The following ANK3 variants were observed in gnomAD, a reference collection of about 807,000 sequenced individuals.
The protein encoded by ANK3 is ankyrin-3.
A neutral mutation model predicts 370.9 loss-of-function variants in ANK3; 57 were observed. That is an observed-to-expected ratio of 0.15 (90% CI 0.12 to 0.19). ANK3 has a LOEUF of 0.19. Ranked by LOEUF, ANK3 falls within the 10% of genes least tolerant of loss-of-function variation. The probability of loss-of-function intolerance (pLI) is 1.00; values close to 1 mark genes in which losing one functional copy is unlikely to be tolerated. For synonymous variants in ANK3, 1,929 were observed against 1,946.3 expected (o/e 0.99, Z 0.23); for missense variants, 4,439 against 5,302.1 (o/e 0.84, Z 5.06).
At chr10:60,587,869 ATAAGT>A (rs775059599) in intron 2 of ANK3, among the ~76,000 whole-genome samples, 26 of 152,256 alleles carry the variant, frequency 1.7e-4, no homozygotes, top group African/African-American at 4.3e-4. Flanking sequence ...ATTCCAGGTA[ATAAGT>A]TAAGAAAGAA....
chr10:60,607,184 A>G (rs2078139815), intron 2 of ANK3, among the ~76,000 whole-genome samples: 1 of 152,172 alleles, frequency 6.6e-6, no homozygotes, highest in African/African-American at 2.4e-5. Flanking sequence ...GAGAACTCAT[A>G]TTTGCTCAGT....
chr10:60,487,937 C>A (rs2075392414), intron 2 of ANK3, among the ~76,000 whole-genome samples: 1 of 152,146 alleles, frequency 6.6e-6, no homozygotes, highest in Admixed American at 6.5e-5. Flanking sequence ...TAGTCTCGAA[C>A]TCCCTACCTC....
intron 42 of ANK3, chr10:60,043,055 G>C: frequency 8.8e-6 from 10 of 1,135,088 alleles, no homozygotes; most frequent in Non-Finnish European, 1.1e-5. Context: ...TAAGCTAAAA[G>C]AAATCAGCAC....
Position 60,075,168 on chromosome 10 carries a change from C to T in ANK3, c.5713G>A (p.Val1905Ile). The T allele has an allele frequency of 1.2e-6, 2 of 1,614,156 alleles. No homozygotes were observed. Among genetic ancestry groups the T allele is most frequent in the Non-Finnish European group, 1.7e-6 (2 of 1,180,010 alleles). Residue 1905 changes from valine to isoleucine, a missense_variant, in exon 37 of 44, where the codon GTA becomes ATA. Physicochemically the swap from Val to Ile is conservative, Grantham distance 29. Around this residue, in one of 13 missense-constraint regions of ANK3, gnomAD observed 679 missense variants for 791.0 expected, o/e 0.86. Transcript: ENST00000280772. ...ATTAGGTCCTCTTTCATTTCAGCTACATCTTTTAGTATCTCCTGACTGGAA... is the reference window on the plus strand; with the variant it reads ...ATTAGGTCCTCTTTCATTTCAGCTATATCTTTTAGTATCTCCTGACTGGAA... ...LSSSQEILKD[V>I]AEMKEDLMRM...
At chr10:60,302,260 G>C (rs1322591038) in intron 1 of ANK3, among the ~76,000 whole-genome samples, 2 of 151,948 alleles carry the variant, frequency 1.3e-5, no homozygotes, top group African/African-American at 4.8e-5. Flanking sequence ...TTAGGAAATG[G>C]GTATATAGGC....
At chr10:60,497,059 T>C (rs565460727) in intron 2 of ANK3, among the ~76,000 whole-genome samples, 39 of 152,232 alleles carry the variant, frequency 2.6e-4, no homozygotes, top group African/African-American at 9.1e-4. Flanking sequence ...CCCAGCACTT[T>C]TGGAGGCTGA....
chr10:60,157,450 T>TAAA (rs2095368281), intron 23 of ANK3, among the ~76,000 whole-genome samples: 1 of 151,860 alleles, frequency 6.6e-6, no homozygotes, highest in African/African-American at 2.4e-5. Flanking sequence ...TTATACCACT[T>TAAA]AAACACTGCA....
intron 18 of ANK3, among the ~76,000 whole-genome samples, chr10:60,175,822 T>C (rs1284702974): frequency 6.6e-6 from 1 of 152,200 alleles, no homozygotes; most frequent in Admixed American, 6.5e-5. Flanking sequence ...GGATAAGTTA[T>C]TGAACCTCTC....
chr10:60,215,814 T>G (rs1221326784), intron 8 of ANK3, among the ~76,000 whole-genome samples: 1 of 152,224 alleles, frequency 6.6e-6, no homozygotes, highest in Non-Finnish European at 1.5e-5. Context: ...TGCTTAGGAT[T>G]GTCTTGGCTA....
chr10:60,599,240 T>C (rs561123834), intron 2 of ANK3, among the ~76,000 whole-genome samples: 19 of 152,220 alleles, frequency 1.2e-4, no homozygotes, highest in African/African-American at 4.6e-4. Context: ...CTGTGTTTGG[T>C]AGTTATGACA....
intron 2 of ANK3, among the ~76,000 whole-genome samples, chr10:60,534,335 A>C (rs898624004): frequency 6.6e-6 from 1 of 152,056 alleles, no homozygotes; most frequent in African/African-American, 2.4e-5. Context: ...AGAACTCCAA[A>C]CGCATTCATG....
chr10:60,543,990 A>G (rs1167648980), intron 2 of ANK3, among the ~76,000 whole-genome samples: 1 of 152,108 alleles, frequency 6.6e-6, no homozygotes, highest in Non-Finnish European at 1.5e-5. Flanking sequence ...ATAAGAATGT[A>G]AACTCCTCAA....
At chr10:60,556,459 C>T (rs573958150) in intron 2 of ANK3, among the ~76,000 whole-genome samples, 67 of 152,206 alleles carry the variant, frequency 4.4e-4, no homozygotes, top group Non-Finnish European at 8.7e-4. Context: ...GGAATGTGAC[C>T]AGAGTGATTT....
At position 60,086,762 on chromosome 10, in the gene ANK3, C is replaced by A. The variant is rs150868710; in HGVS notation, c.3663G>T (p.Pro1221=). The change falls in exon 30 of 44, where the codon CCG becomes CCT. Residue 1221 remains proline, a synonymous_variant. Coordinates refer to ENST00000280772, the MANE Select transcript of ANK3 (RefSeq NM_020987.5). Reference sequence around the variant, plus strand: ...CACCTTCTCCTGAGGGCGGGGGCACCGGAATGGTCATTGTGATTGGTTTAT... The same window carrying A: ...CACCTTCTCCTGAGGGCGGGGGCACAGGAATGGTCATTGTGATTGGTTTAT... ...KFHKPITMTI[P]VPPPSGEGVS... 6.2e-7 allele frequency: 1 copy of A among 1,613,882 alleles called. No individual in the cohort carries two copies. Among genetic ancestry groups the A allele is most frequent in the Admixed American group, 1.7e-5 (1 of 60,000 alleles).
At chr10:60,584,342 G>A (rs1011052959) in intron 2 of ANK3, among the ~76,000 whole-genome samples, 2 of 152,156 alleles carry the variant, frequency 1.3e-5, no homozygotes, top group African/African-American at 4.8e-5. Context: ...CACGAGTCTG[G>A]GTGTAATGGC....
At position 60,088,234 on chromosome 10, in the gene ANK3, A is replaced by G; in HGVS notation, c.3453T>C (p.Gly1151=). ...GCACTGTGGTGCTGCTCAGAATTCC[A>G]CCTTCAGGACCAATCTGGTTGCTTT... ...KQESNQIGPE[G]GILSSTTVPL... The change falls in exon 29 of 44, where the codon GGT becomes GGC. Residue 1151 remains glycine (G), a synonymous_variant. Coordinates refer to ENST00000280772, the MANE Select transcript of ANK3 (RefSeq NM_020987.5). 1 of 1,614,182 alleles carries G rather than the reference A, an allele frequency of 6.2e-7. No homozygotes were observed. The highest frequency in any genetic ancestry group is 8.5e-7 in the Non-Finnish European group (1 of 1,180,012).
intron 2 of ANK3, among the ~76,000 whole-genome samples, chr10:60,593,771 C>T (rs956423915): frequency 3.3e-5 from 5 of 152,204 alleles, no homozygotes; most frequent in Non-Finnish European, 7.4e-5. Flanking sequence ...TGGATGGTTG[C>T]CTCACTCAAG....
At chr10:60,279,378 T>C (rs1245159153) in intron 2 of ANK3, among the ~76,000 whole-genome samples, 160 bp downstream of exon 2, 1 of 152,228 alleles carries the variant, frequency 6.6e-6, no homozygotes, top group Non-Finnish European at 1.5e-5. Flanking sequence ...GGACATATGC[T>C]GACATTTCTG....
chr10:60,297,976 T>C (rs6479711), intron 1 of ANK3, among the ~76,000 whole-genome samples: 95,198 of 151,914 alleles, frequency 0.63, 29,990 homozygotes, highest in South Asian at 0.79. Flanking sequence ...GTTAAATATG[T>C]ATTTATTACT....
Sources: gnomAD v4.1 joint callset for allele counts (sites outside exome capture counted in the v4.1 genomes callset) on GRCh38, gnomAD v4.1.1 for gene constraint, gnomAD v4.1.1 regional missense constraint, MANE v1.5 for transcripts, NCBI Gene and HGNC (gene_info 2026-07-23, HGNC 2026-07-21) for gene names.